The following SSR1 variants were observed in gnomAD, a reference collection of about 807,000 sequenced individuals.
SSR1 encodes the protein translocon-associated protein subunit alpha.
Under a neutral mutation model 36.1 loss-of-function variants are expected in SSR1, and 13 were observed. That is an observed-to-expected ratio of 0.36 (90% CI 0.23 to 0.57). SSR1 has a LOEUF of 0.57. SSR1 is among the 20% of genes least tolerant of loss of function. SSR1 has a pLI of 0.81. For synonymous variants in SSR1, 113 were observed against 118.9 expected (o/e 0.95, Z 0.32); for missense variants, 291 against 338.5 (o/e 0.86, Z 1.10).
chr6:7,304,691 C>T (rs1309261323), intron 2 of SSR1, among the ~76,000 whole-genome samples: 1 of 152,136 alleles, frequency 6.6e-6, no homozygotes, highest in Non-Finnish European at 1.5e-5. Context: ...TTATTTAAAA[C>T]TTTAAACACA....
chr6:7,307,485 G>A (rs980308574), intron 2 of SSR1, among the ~76,000 whole-genome samples: 4 of 152,104 alleles, frequency 2.6e-5, no homozygotes, highest in African/African-American at 7.2e-5. Flanking sequence ...TCTGGTCAAC[G>A]ACACAAGGCT....
chr6:7,284,573 C>T lies in SSR1; in HGVS notation c.*5291G>A, dbSNP rs1172850056. ...GTCACTTAAGCGGCTTACTGAGACC[C>T]AGGCAATGTTCTAAGCAGCTACACA... is the stretch of plus-strand genomic sequence containing the variant. On this transcript the variant is annotated 3_prime_UTR_variant, in exon 8 of 8. Coordinates refer to ENST00000244763, the MANE Select transcript of SSR1 (RefSeq NM_003144.5). 6.6e-6 allele frequency: 1 copy of T among 152,202 alleles called. No individual in the cohort carries two copies. Among genetic ancestry groups the T allele is most frequent in the Non-Finnish European group, 1.5e-5 (1 of 68,030 alleles). 9.4% of individuals were successfully genotyped at this position (152,202 alleles called of 1,614,324 possible).
chr6:7,303,743 C>T, intron 2 of SSR1, 106 bp from the exon 3 acceptor site: 1 of 795,394 alleles, frequency 1.3e-6, no homozygotes, highest in South Asian at 1.9e-5. Flanking sequence ...ATAATCTCAG[C>T]ACTTGGCCGA....
intron 2 of SSR1, among the ~76,000 whole-genome samples, chr6:7,304,288 T>C (rs1408752): frequency 0.74 from 113,175 of 152,184 alleles, 42,557 homozygotes; most frequent in African/African-American, 0.83. Context: ...ATAGCAGATA[T>C]GGCCTTGCAG....
intron 2 of SSR1, among the ~76,000 whole-genome samples, chr6:7,304,926 A>G (rs1240865359): frequency 1.3e-5 from 2 of 152,232 alleles, no homozygotes; most frequent in Non-Finnish European, 2.9e-5. Context: ...CACTTAAGAG[A>G]GAGTGCACTC....
At chr6:7,312,630 T>TGGGGGTGGAGCGGAGCC (rs1758227897) in intron 1 of SSR1, among the ~76,000 whole-genome samples, 1 of 152,116 alleles carries the variant, frequency 6.6e-6, no homozygotes, top group South Asian at 2.1e-4. Context: ...CGCGAGGGGC[T>TGGGGGTGGAGCGGAGCC]GGGGGTGGAG....
In SSR1 at chr6:7,313,172, C is replaced by T. The variant is rs1362142431; in HGVS notation, c.-52G>A. ...CCGTCGGCTAAGGCTCTCGGCGGCT[C>T]CGGCGGTAATGGCGTTACTCTTCAT... On this transcript the variant is annotated 5_prime_UTR_variant, in exon 1 of 8. Coordinates refer to ENST00000244763, the MANE Select transcript of SSR1 (RefSeq NM_003144.5). The T allele has an allele frequency of 1.3e-6, 2 of 1,526,398 alleles. No homozygotes were observed. Among genetic ancestry groups the T allele is most frequent in the East Asian group, 5.0e-5 (2 of 40,010 alleles). The allele number at this position is 1,526,398 out of a possible 1,614,324, so 94.6% of individuals were successfully genotyped here. A position where few individuals can be genotyped will look rare whatever the true frequency, so the allele number is the denominator to read the frequency against.
Position 7,313,043 on chromosome 6 carries a change from T to C in SSR1, c.78A>G (p.Arg26=). 2 of 1,602,592 alleles carry C rather than the reference T, an allele frequency of 1.2e-6. No homozygotes were observed. The highest frequency in any genetic ancestry group is 4.5e-5 in the East Asian group (2 of 44,150). Residue 26 remains arginine, a splice_region_variant and synonymous_variant, in exon 1 of 8, where the codon AGA becomes AGG. Transcript: ENST00000244763. ...PATVLFRGGP[R]GLLAVAQDLT... is the part of the protein sequence containing the mutation. ...CTCCGCACACTCCCCCAGCCTCACC[T>C]CTGGGGCCGCCTCGGAACAAGACAG...
Position 7,282,821 on chromosome 6 carries a change from C to T in SSR1, c.*7043G>A, listed in dbSNP as rs1015124911. 6.6e-6 allele frequency: 1 copy of T among 152,202 alleles called. No individual in the cohort carries two copies. Among genetic ancestry groups the T allele is most frequent in the African/African-American group, 2.4e-5 (1 of 41,448 alleles). The allele number at this position is 152,202 out of a possible 1,614,324, so 9.4% of individuals were successfully genotyped here. ...GGACCAAATGAGAAAAATACATAAT[C>T]ATTATGTTTTAGCCAGAAAAAGGCA... On this transcript the variant is annotated 3_prime_UTR_variant, in exon 8 of 8. Coordinates refer to ENST00000244763, the MANE Select transcript of SSR1 (RefSeq NM_003144.5).
intron 4 of SSR1, among the ~76,000 whole-genome samples, chr6:7,300,404 A>G (rs1757908550): frequency 1.3e-5 from 2 of 152,212 alleles, no homozygotes; most frequent in African/African-American, 4.8e-5. Context: ...TATAGTATAC[A>G]TTATTAAAAA....
chr6:7,291,347 G>A (rs546851752), intron 7 of SSR1, among the ~76,000 whole-genome samples: 2 of 151,722 alleles, frequency 1.3e-5, no homozygotes, highest in Admixed American at 6.6e-5. Flanking sequence ...GCAGTGAGCC[G>A]AGATCACACC....
At chr6:7,295,327 A>T (rs1279967336) in intron 7 of SSR1, 65 bp downstream of exon 7, 2 of 1,335,212 alleles carry the variant, frequency 1.5e-6, no homozygotes, top group Non-Finnish European at 2.1e-6. Context: ...TTTTAAACTA[A>T]ATCTAAGGTA....
intron 3 of SSR1, among the ~76,000 whole-genome samples, chr6:7,303,295 C>T (rs1378721469): frequency 1.3e-5 from 2 of 152,124 alleles, no homozygotes; most frequent in East Asian, 1.9e-4. Context: ...CCACTGCTCT[C>T]CAGCCTGGGT....
At position 7,284,724 on chromosome 6, in the gene SSR1, T is replaced by A. The variant is rs545793672; in HGVS notation, c.*5140A>T. On this transcript the variant is annotated 3_prime_UTR_variant, in exon 8 of 8. Coordinates refer to ENST00000244763, the MANE Select transcript of SSR1 (RefSeq NM_003144.5). ...CTGACATGAGCGTTTCCTTTTTTTT[T>A]TTTTCTCTTTTGCTAAGTAAAAAGT... 6.6e-6 allele frequency: 1 copy of A among 152,090 alleles called. No individual in the cohort carries two copies. The highest frequency in any genetic ancestry group is 2.4e-5 in the African/African-American group (1 of 41,480). 9.4% of individuals were successfully genotyped at this position (152,090 alleles called of 1,614,324 possible).
At chr6:7,293,314 A>C (rs1983850) in intron 7 of SSR1, among the ~76,000 whole-genome samples, 55,949 of 151,524 alleles carry the variant, frequency 0.37, 10,344 homozygotes, top group South Asian at 0.43. Context: ...TGTATACGAT[A>C]ACCCATGTGT....
chr6:7,306,502 A>G (rs908358191), intron 2 of SSR1, among the ~76,000 whole-genome samples: 2 of 152,194 alleles, frequency 1.3e-5, no homozygotes, highest in African/African-American at 4.8e-5. Context: ...TTTAATAAAA[A>G]TTAAAACAAA....
chr6:7,284,728 T>TC lies in SSR1; in HGVS notation c.*5135dup, dbSNP rs1554132102. The TC allele has an allele frequency of 1.3e-5, 2 of 150,838 alleles. No homozygotes were observed. Among genetic ancestry groups the TC allele is most frequent in the South Asian group, 2.1e-4 (1 of 4,790 alleles). 9.3% of individuals were successfully genotyped at this position (150,838 alleles called of 1,614,324 possible). On this transcript the variant is annotated 3_prime_UTR_variant, in exon 8 of 8. Coordinates refer to ENST00000244763, the MANE Select transcript of SSR1 (RefSeq NM_003144.5). ...CATGAGCGTTTCCTTTTTTTTTTTT[T>TC]CTCTTTTGCTAAGTAAAAAGTAGGT...
intron 2 of SSR1, among the ~76,000 whole-genome samples, chr6:7,307,190 T>C (rs1758087016): frequency 6.6e-6 from 1 of 152,136 alleles, no homozygotes; most frequent in African/African-American, 2.4e-5. Flanking sequence ...CTCATTCAGT[T>C]CTGGAGGTGA....
At chr6:7,306,091 G>A (rs546665856) in intron 2 of SSR1, among the ~76,000 whole-genome samples, 1 of 152,138 alleles carries the variant, frequency 6.6e-6, no homozygotes, top group Non-Finnish European at 1.5e-5. Flanking sequence ...TCTGTACCTT[G>A]TAAGTTCTGA....
Sources: allele counts gnomAD v4.1 joint callset (sites outside exome capture counted in the v4.1 genomes callset), GRCh38; gene constraint gnomAD v4.1.1; transcripts MANE v1.5; gene names NCBI Gene and HGNC (gene_info 2026-07-23, HGNC 2026-07-21).